The following RABGAP1L variants were observed in gnomAD, a reference collection of about 807,000 sequenced individuals.
RABGAP1L encodes the protein RAB GTPase activating protein 1 like.
Under a neutral mutation model 137.7 loss-of-function variants are expected in RABGAP1L, and 63 were observed. That is an observed-to-expected ratio of 0.46 (90% confidence interval 0.37 to 0.56). The LOEUF is 0.56. Among genes scored for constraint, RABGAP1L ranks in the 20% least tolerant of loss-of-function variants. The pLI, the probability that RABGAP1L is intolerant of heterozygous loss-of-function variation, is 0.00. For synonymous variants in RABGAP1L, 431 were observed against 433.7 expected (o/e 0.99, Z 0.08); for missense variants, 1,095 against 1,244.0 (o/e 0.88, Z 1.80).
intron 11 of RABGAP1L, among the ~76,000 whole-genome samples, chr1:174,328,988 A>G (rs1483435408): frequency 6.6e-6 from 1 of 151,832 alleles, no homozygotes; most frequent in African/African-American, 2.4e-5. Context: ...AGGGAAGGAA[A>G]GAAATAATAA....
chr1:174,928,300 C>T (rs1423093096), intron 19 of RABGAP1L, among the ~76,000 whole-genome samples: 8 of 152,036 alleles, frequency 5.3e-5, no homozygotes, highest in Admixed American at 6.6e-5. Flanking sequence ...TTTGTACATC[C>T]TCCTATGCCA....
chr1:174,555,267 A>C (rs1478308639), intron 13 of RABGAP1L, among the ~76,000 whole-genome samples: 1 of 152,200 alleles, frequency 6.6e-6, no homozygotes, highest in African/African-American at 2.4e-5. Context: ...TTCAGCTGTT[A>C]CTCATCACTG....
At chr1:174,800,690 G>A (rs1198949042) in intron 18 of RABGAP1L, among the ~76,000 whole-genome samples, 5 of 152,060 alleles carry the variant, frequency 3.3e-5, no homozygotes, top group Non-Finnish European at 7.4e-5. Context: ...CCCCTTAATT[G>A]GTTAGAGGAG....
At chr1:174,337,136 G>A (rs1681555749) in intron 11 of RABGAP1L, among the ~76,000 whole-genome samples, 1 of 151,906 alleles carries the variant, frequency 6.6e-6, no homozygotes, top group Non-Finnish European at 1.5e-5. Flanking sequence ...CAGTTTCCAT[G>A]GGTCAGAAGT....
At chr1:174,196,316 T>C (rs1210750681) in intron 1 of RABGAP1L, among the ~76,000 whole-genome samples, 7 of 151,206 alleles carry the variant, frequency 4.6e-5, no homozygotes, top group Non-Finnish European at 1.0e-4. Flanking sequence ...CTCTGCCTCC[T>C]GGGTTCACGC....
chr1:174,197,445 GA>G (rs1667775691), intron 1 of RABGAP1L, among the ~76,000 whole-genome samples: 2 of 152,158 alleles, frequency 1.3e-5, no homozygotes, highest in African/African-American at 4.8e-5. Context: ...CCCTCTTGGT[GA>G]AAGGAGCCCC....
intron 19 of RABGAP1L, chr1:174,892,331 T>G (rs1020770396): frequency 5.8e-6 from 2 of 345,656 alleles, no homozygotes; most frequent in Admixed American, 8.4e-5. Context: ...TGCTGAAAAG[T>G]CTAGTGGGAA....
intron 1 of RABGAP1L, among the ~76,000 whole-genome samples, chr1:174,208,478 T>TTTTTG (rs896016533): frequency 9.2e-5 from 14 of 152,042 alleles, no homozygotes; most frequent in African/African-American, 2.4e-4. Context: ...TTACTGAGAG[T>TTTTTG]TTTTGTTTTG....
intron 10 of RABGAP1L, among the ~76,000 whole-genome samples, chr1:174,294,249 T>C (rs1196804294): frequency 6.6e-6 from 1 of 152,222 alleles, no homozygotes; most frequent in Non-Finnish European, 1.5e-5. Flanking sequence ...GTATTCCTTT[T>C]GGGCAGAGTC....
intron 1 of RABGAP1L, among the ~76,000 whole-genome samples, chr1:174,194,395 C>T (rs1667423954): frequency 6.6e-6 from 1 of 152,036 alleles, no homozygotes; most frequent in Admixed American, 6.6e-5. Context: ...CCACCACGCC[C>T]AGCTAATTTT....
chr1:174,734,149 C>T (rs1373131525), intron 17 of RABGAP1L, among the ~76,000 whole-genome samples: 1 of 152,042 alleles, frequency 6.6e-6, no homozygotes, highest in Non-Finnish European at 1.5e-5. Context: ...GTTTTTGATT[C>T]CTATTAGGAC....
chr1:174,395,838 T>A (rs1457813701), intron 13 of RABGAP1L, among the ~76,000 whole-genome samples: 6 of 125,862 alleles, frequency 4.8e-5, no homozygotes, highest in Non-Finnish European at 5.1e-5. Context: ...ACCCTGTCTC[T>A]AAAAAAAAAA....
intron 19 of RABGAP1L, among the ~76,000 whole-genome samples, chr1:174,907,560 C>A (rs563407152): frequency 1.6e-4 from 24 of 152,182 alleles, no homozygotes; most frequent in Non-Finnish European, 3.2e-4. Flanking sequence ...AATGATCCAC[C>A]CACCTCGGCC....
At chr1:174,406,917 A>G (rs892799336) in intron 13 of RABGAP1L, among the ~76,000 whole-genome samples, 2 of 152,208 alleles carry the variant, frequency 1.3e-5, no homozygotes, top group Non-Finnish European at 2.9e-5. Flanking sequence ...ACCTAGTCTC[A>G]TATTTTCAAG....
chr1:174,833,540 G>A (rs2148921178), intron 19 of RABGAP1L, among the ~76,000 whole-genome samples: 1 of 142,336 alleles, frequency 7.0e-6, no homozygotes, highest in South Asian at 2.3e-4. Context: ...GCCTCCCAAA[G>A]TGCTAGGATT....
chr1:174,898,798 G>A (rs1052706045), intron 19 of RABGAP1L, among the ~76,000 whole-genome samples: 1 of 152,094 alleles, frequency 6.6e-6, no homozygotes, highest in Non-Finnish European at 1.5e-5. Flanking sequence ...TTTTTAAAAT[G>A]GAATATTTAT....
intron 19 of RABGAP1L, among the ~76,000 whole-genome samples, chr1:174,855,308 T>C (rs958825653): frequency 1.3e-5 from 2 of 152,148 alleles, no homozygotes; most frequent in Non-Finnish European, 2.9e-5. Context: ...CATTCAAGCT[T>C]AGAGCTTCCC....
intron 1 of RABGAP1L, among the ~76,000 whole-genome samples, chr1:174,168,297 A>G (rs1665072823): frequency 6.6e-6 from 1 of 151,164 alleles, no homozygotes; most frequent in Admixed American, 6.6e-5. Flanking sequence ...AAAATTGAAT[A>G]GAGTATACTA....
At chr1:174,562,905 A>G (rs1468582822) in intron 13 of RABGAP1L, among the ~76,000 whole-genome samples, 2 of 152,138 alleles carry the variant, frequency 1.3e-5, no homozygotes, top group African/African-American at 2.4e-5. Context: ...CCTAATGTAG[A>G]TGGTGGGTTG....
Sources: gnomAD v4.1 joint callset for allele counts (sites outside exome capture counted in the v4.1 genomes callset) on GRCh38, gnomAD v4.1.1 for gene constraint, MANE v1.5 for transcripts, NCBI Gene and HGNC (gene_info 2026-07-23, HGNC 2026-07-21) for gene names.